The following KNTC1 variants were observed in gnomAD, a reference collection of about 807,000 sequenced individuals.
The protein encoded by KNTC1 is kinetochore-associated protein 1.
Under a neutral mutation model 314.4 loss-of-function variants are expected in KNTC1, and 253 were observed. The ratio of observed to expected loss-of-function variants is 0.80; its 90% CI spans 0.73 to 0.89. KNTC1 has a LOEUF of 0.89. Ranked by LOEUF, KNTC1 falls within the 40% of genes least tolerant of loss-of-function variation. KNTC1 has a pLI of 0.00. For synonymous variants in KNTC1, 901 were observed against 901.4 expected, an observed-to-expected ratio of 1.00 and a Z score of 0.01; for missense variants, 2,475 against 2,572.9, an observed-to-expected ratio of 0.96 and a Z score of 0.82.
Position 122,547,895 on chromosome 12 carries a change from A to G in KNTC1, c.933-20A>G. On this transcript the variant is annotated intron_variant, in intron 11 of 63. Coordinates refer to ENST00000333479, the MANE Select transcript of KNTC1 (RefSeq NM_014708.6). Reference sequence around the variant, plus strand: ...TGTAAAAGTTTACTTGAATTATTTAAAGGTTCTTTTCTCTTTTAGGCAAGG... The same window carrying G: ...TGTAAAAGTTTACTTGAATTATTTAGAGGTTCTTTTCTCTTTTAGGCAAGG... 7.1e-7 allele frequency: 1 copy of G among 1,411,004 alleles called. No individual in the cohort carries two copies. Among genetic ancestry groups the G allele is most frequent in the Non-Finnish European group, 9.6e-7 (1 of 1,044,262 alleles). 87.4% of individuals were successfully genotyped at this position (1,411,004 alleles called of 1,614,324 possible). A position where few individuals can be genotyped will look rare whatever the true frequency, so the allele number is the denominator to read the frequency against.
chr12:122,582,138 C>T (rs10847227), intron 33 of KNTC1, among the ~76,000 whole-genome samples: 45,537 of 151,974 alleles, frequency 0.3, 7,614 homozygotes, highest in East Asian at 0.46. Flanking sequence ...ATCTGGAGGC[C>T]GGGTACAGTG....
chr12:122,574,745 G>T (rs1332693650), intron 27 of KNTC1, among the ~76,000 whole-genome samples: 1 of 152,180 alleles, frequency 6.6e-6, no homozygotes, highest in Non-Finnish European at 1.5e-5. Flanking sequence ...AAAATAAAAA[G>T]TGAATGTTTA....
In KNTC1 at chr12:122,602,615, C is replaced by T. The variant is rs368101210; in HGVS notation, c.4700C>T (p.Pro1567Leu). ...TTGAAGTCATACAGAAGAATTTCTC[C>T]TCCCGTGGATCTAGAATATCAGTAT... is the stretch of plus-strand genomic sequence containing the variant. ...KHLKSYRRIS[P>L]PVDLEYQYML... The change falls in exon 46 of 64, where the codon CCT becomes CTT. Residue 1567 changes from proline (P) to leucine (L), a missense_variant. Pro to Leu is a moderately conservative substitution (Grantham distance 98, BLOSUM62 -3). Transcript: ENST00000333479. 11 of 1,611,640 alleles carry T rather than the reference C, an allele frequency of 6.8e-6. No individual in the cohort carries two copies. The highest frequency in any genetic ancestry group is 9.3e-6 in the Non-Finnish European group (11 of 1,178,214).
In KNTC1 at chr12:122,626,356, TAATA is replaced by T; in HGVS notation, c.*135_*138del. On this transcript the variant is annotated 3_prime_UTR_variant, in exon 64 of 64. Transcript: ENST00000333479. ...TATTTGTCTAACATTACCCCACATG[TAATA>T]AATAAAACAATATGAGCATAATTGC... The T allele has an allele frequency of 2.9e-6, 2 of 678,066 alleles. No individual in the cohort carries two copies. Among genetic ancestry groups the T allele is most frequent in the Non-Finnish European group, 2.6e-6 (1 of 388,920 alleles). 42.0% of individuals were successfully genotyped at this position (678,066 alleles called of 1,614,324 possible).
At chr12:122,528,349 A>G (rs1345385413) in intron 1 of KNTC1, among the ~76,000 whole-genome samples, 1 of 152,228 alleles carries the variant, frequency 6.6e-6, no homozygotes. Context: ...AGAACTCTTT[A>G]AACATTTATA....
intron 55 of KNTC1, among the ~76,000 whole-genome samples, 187 bp from the exon 56 acceptor site, chr12:122,614,804 C>G (rs1377872040): frequency 6.6e-6 from 1 of 151,812 alleles, no homozygotes; most frequent in Non-Finnish European, 1.5e-5. Context: ...TCGCTTGAAC[C>G]CAGGAGGTGG....
chr12:122,557,726 A>C, intron 18 of KNTC1, 37 bp downstream of exon 18: 2 of 1,466,330 alleles, frequency 1.4e-6, no homozygotes, highest in Non-Finnish European at 1.9e-6. Context: ...TTTTTGGGGC[A>C]GGGGAGAATT....
chr12:122,547,356 C>G, intron 10 of KNTC1, 59 bp from the exon 11 acceptor site: 2 of 1,088,662 alleles, frequency 1.8e-6, no homozygotes, highest in Non-Finnish European at 2.8e-6. Flanking sequence ...GCCTGGGCGA[C>G]AAGAGCAAAA....
At chr12:122,579,773 C>T (rs958522730) in intron 31 of KNTC1, 132 bp from the exon 32 acceptor site, 1 of 633,498 alleles carries the variant, frequency 1.6e-6, no homozygotes, top group South Asian at 2.0e-5. Context: ...CATTAACCAT[C>T]CATTTCTCAG....
rs778467386 is a variant in KNTC1, at chr12:122,609,421, C to T, written c.5534C>T (p.Ala1845Val). Residue 1845 changes from alanine (A) to valine (V), a missense_variant, in exon 52 of 64, where the codon GCC becomes GTC. Physicochemically the swap from Ala to Val is moderately conservative, Grantham distance 64. Transcript: ENST00000333479. The part of the protein sequence containing the change: ...SELFELQEDE[A>V]LRRVQYLLLS... ...TTATTTGAACTTCAAGAAGATGAAG[C>T]CCTACGAAGGTACTCTTTTCCTTTA... 3.2e-6 allele frequency: 5 copies of T among 1,579,212 alleles called. No individual in the cohort carries two copies. The highest frequency in any genetic ancestry group is 3.6e-5 in the Admixed American group (2 of 55,642).
intron 61 of KNTC1, among the ~76,000 whole-genome samples, chr12:122,622,172 A>G (rs1358155464): frequency 1.3e-5 from 2 of 152,192 alleles, no homozygotes; most frequent in African/African-American, 4.8e-5. Context: ...TACTCCATGG[A>G]AAATTTGTAG....
intron 38 of KNTC1, 91 bp from the exon 39 acceptor site, chr12:122,587,620 A>T (rs1869541229): frequency 1.0e-6 from 1 of 1,000,364 alleles, no homozygotes. Context: ...TCTGTATTGA[A>T]GAAGCAGGCT....
At chr12:122,555,157 C>T (rs930673989) in intron 16 of KNTC1, among the ~76,000 whole-genome samples, 5 of 152,192 alleles carry the variant, frequency 3.3e-5, no homozygotes, top group African/African-American at 4.8e-5. Context: ...GATATTAGTA[C>T]TTACCCCATA....
intron 57 of KNTC1, chr12:122,617,620 C>T (rs1484453919): frequency 5.2e-6 from 1 of 193,972 alleles, no homozygotes; most frequent in African/African-American, 2.4e-5. Context: ...GATTAATTTT[C>T]TTTTCTGAGT....
At chr12:122,580,845 G>A (rs753430782) in intron 33 of KNTC1, among the ~76,000 whole-genome samples, 175 bp downstream of exon 33, 2 of 152,030 alleles carry the variant, frequency 1.3e-5, no homozygotes, top group African/African-American at 2.4e-5. Flanking sequence ...TGGCTAACAC[G>A]GTGAAACCCC....
chr12:122,622,668 G>A, intron 62 of KNTC1, 61 bp downstream of exon 62: 1 of 1,371,788 alleles, frequency 7.3e-7, no homozygotes, highest in Non-Finnish European at 9.8e-7. Flanking sequence ...ATCTTTATAA[G>A]CTGGGCACGA....
chr12:122,600,040 A>C (rs1231750092), intron 44 of KNTC1, among the ~76,000 whole-genome samples: 1 of 151,942 alleles, frequency 6.6e-6, no homozygotes, highest in African/African-American at 2.4e-5. Context: ...GGAAAAAAGT[A>C]ATGGTGTGTG....
At chr12:122,540,242 G>A (rs924996274) in intron 5 of KNTC1, among the ~76,000 whole-genome samples, 1 of 147,008 alleles carries the variant, frequency 6.8e-6, no homozygotes, top group Non-Finnish European at 1.5e-5. Flanking sequence ...GCACGACCTC[G>A]GCTCACTGAA....
chr12:122,560,338 A>G (rs900730078), intron 18 of KNTC1, among the ~76,000 whole-genome samples: 1 of 152,070 alleles, frequency 6.6e-6, no homozygotes, highest in African/African-American at 2.4e-5. Flanking sequence ...TCTTTTGAGC[A>G]TATACCCAGA....
Sources: gnomAD v4.1 joint callset for allele counts (sites outside exome capture counted in the v4.1 genomes callset) on GRCh38, gnomAD v4.1.1 for gene constraint, MANE v1.5 for transcripts, NCBI Gene and HGNC (gene_info 2026-07-23, HGNC 2026-07-21) for gene names.